Variants in IRAG1 observed in about 807,000 individuals in gnomAD.
IRAG1 encodes IP3R-associated cGMP kinase substrate.
Under a neutral mutation model 106.2 loss-of-function variants are expected in IRAG1, and 62 were observed. The observed-to-expected ratio is 0.58, with a 90% CI of 0.48 to 0.72. The LOEUF (loss-of-function observed/expected upper bound fraction) is 0.72. Among genes scored for constraint, IRAG1 ranks in the 30% least tolerant of loss-of-function variants. The probability of loss-of-function intolerance (pLI) is 0.00; values close to 1 mark genes in which losing one functional copy is unlikely to be tolerated. For missense variants in IRAG1, 1,064 were observed against 1,140.7 expected, an observed-to-expected ratio of 0.93 and a Z score of 0.97; for synonymous variants, 462 against 443.9, an observed-to-expected ratio of 1.04 and a Z score of -0.51.
chr11:10,612,612 CA>C (rs752283042), intron 10 of IRAG1, among the ~76,000 whole-genome samples: 11 of 151,456 alleles, frequency 7.3e-5, no homozygotes, highest in Non-Finnish European at 1.5e-4. Context: ...AAAAGGAAAA[CA>C]GATGGCATGG....
chr11:10,624,303 G>C (rs1360426724), intron 9 of IRAG1, among the ~76,000 whole-genome samples: 1 of 152,246 alleles, frequency 6.6e-6, no homozygotes, highest in East Asian at 1.9e-4. Flanking sequence ...CTGTCATTCC[G>C]GGCAGTGACT....
intron 12 of IRAG1, among the ~76,000 whole-genome samples, chr11:10,605,137 T>C (rs881436): frequency 0.48 from 73,402 of 152,020 alleles, 18,045 homozygotes; most frequent in East Asian, 0.7. Flanking sequence ...TGTTTCATGC[T>C]AAAATTGCAG....
At chr11:10,600,880 T>TTG (rs1258876184) in intron 15 of IRAG1, 38 bp downstream of exon 15, 2 of 1,612,438 alleles carry the variant, frequency 1.2e-6, no homozygotes, top group Non-Finnish European at 1.7e-6. Context: ...GAAGTCCACC[T>TTG]TGTAGGGCCA....
rs1850697260 is a variant in IRAG1, at chr11:10,573,807, T to A, written c.*2525A>T. On this transcript the variant is annotated 3_prime_UTR_variant, in exon 21 of 21. Coordinates refer to ENST00000423302, the MANE Select transcript of IRAG1 (RefSeq NM_130385.4). ...GCCCTGCTTTAAGGGAGGCAGAGAT[T>A]GAACATTCCCCACCTGGAGTTCTGC... 1 of 152,260 alleles carries A rather than the reference T, an allele frequency of 6.6e-6. No homozygotes were observed. The highest frequency in any genetic ancestry group is 1.5e-5 in the Non-Finnish European group (1 of 68,096). The allele number at this position is 152,260 out of a possible 1,614,324, so 9.4% of individuals were successfully genotyped here.
chr11:10,692,014 T>A (rs1862095911), intron 1 of IRAG1, among the ~76,000 whole-genome samples: 1 of 152,226 alleles, frequency 6.6e-6, no homozygotes, highest in Admixed American at 6.5e-5. Context: ...GTAAGAACCA[T>A]GTGTTTGCTG....
intron 2 of IRAG1, among the ~76,000 whole-genome samples, chr11:10,643,104 G>A (rs1295938268): frequency 6.7e-6 from 1 of 148,432 alleles, no homozygotes; most frequent in African/African-American, 2.5e-5. Context: ...GAACCCAGGA[G>A]GCGGAGCTTA....
intron 13 of IRAG1, among the ~76,000 whole-genome samples, chr11:10,604,014 C>T (rs1471228476): frequency 6.6e-6 from 1 of 152,158 alleles, no homozygotes; most frequent in Non-Finnish European, 1.5e-5. Flanking sequence ...AGCCTAGACT[C>T]AGCTCTCATG....
rs545084421 is a variant in IRAG1, at chr11:10,683,070, A to AT, written c.67+10465dup. Among the ~76,000 whole-genome samples the AT allele has an allele frequency of 4.7e-3, 719 of 152,354 alleles. 8 individuals are homozygous for AT. Among genetic ancestry groups the AT allele is most frequent in the African/African-American group, 0.016 (681 of 41,582 alleles). ...AGGAAATTTAAAATAAAAACCTTCAATTTTTAATTAAAAATAGTAACAAAG... is the reference window on the plus strand; with the variant it reads ...AGGAAATTTAAAATAAAAACCTTCAATTTTTTAATTAAAAATAGTAACAAAG... On this transcript the variant is annotated intron_variant, in intron 1 of 20. Transcript: ENST00000423302.
intron 2 of IRAG1, among the ~76,000 whole-genome samples, chr11:10,640,803 A>G (rs886658107): frequency 3.9e-4 from 60 of 152,338 alleles, no homozygotes; most frequent in Middle Eastern, 3.4e-3. Flanking sequence ...CAGAAGCCAC[A>G]CTACCTTATG....
chr11:10,669,636 G>A (rs1168504054), intron 1 of IRAG1, among the ~76,000 whole-genome samples: 1 of 152,174 alleles, frequency 6.6e-6, no homozygotes, highest in East Asian at 1.9e-4. Flanking sequence ...TCTCCCCCGA[G>A]GCCAGATGAA....
chr11:10,649,089 G>A (rs1351073174), intron 2 of IRAG1, among the ~76,000 whole-genome samples: 2 of 152,162 alleles, frequency 1.3e-5, no homozygotes, highest in Non-Finnish European at 2.9e-5. Flanking sequence ...GCCTGGCCTC[G>A]GATGCTCCCA....
intron 15 of IRAG1, among the ~76,000 whole-genome samples, chr11:10,599,235 T>C (rs1487278692): frequency 1.3e-5 from 2 of 152,196 alleles, no homozygotes; most frequent in African/African-American, 2.4e-5. Flanking sequence ...GGGAGCTCCT[T>C]TGGGTCTGTG....
chr11:10,690,604 C>T (rs780067800), intron 1 of IRAG1, among the ~76,000 whole-genome samples: 3 of 152,144 alleles, frequency 2.0e-5, no homozygotes, highest in Non-Finnish European at 4.4e-5. Context: ...TCCCTCTATT[C>T]GTGATTTTCC....
At chr11:10,594,417 C>T (rs1853041071) in intron 15 of IRAG1, among the ~76,000 whole-genome samples, 1 of 152,144 alleles carries the variant, frequency 6.6e-6, no homozygotes, top group Non-Finnish European at 1.5e-5. Flanking sequence ...AACTCCCCTT[C>T]TCACTATAGG....
At chr11:10,627,853 T>C (rs1856373986) in intron 7 of IRAG1, 93 bp from the exon 8 acceptor site, 2 of 1,587,096 alleles carry the variant, frequency 1.3e-6, no homozygotes, top group Non-Finnish European at 1.7e-6. Flanking sequence ...AGCAGTGGTG[T>C]TCATGCCCTC....
chr11:10,676,388 C>A (rs1166643578), intron 1 of IRAG1, among the ~76,000 whole-genome samples: 1 of 152,178 alleles, frequency 6.6e-6, no homozygotes, highest in Non-Finnish European at 1.5e-5. Context: ...CTTCTTCTGG[C>A]GACAGCAGCA....
chr11:10,613,261 C>CA (rs34065353), intron 10 of IRAG1, among the ~76,000 whole-genome samples: 14,534 of 132,854 alleles, frequency 0.11, 726 homozygotes, highest in Non-Finnish European at 0.13. Flanking sequence ...ATGCTTCATA[C>CA]AAAAAAAAAA....
intron 2 of IRAG1, among the ~76,000 whole-genome samples, chr11:10,643,176 CA>C (rs10679269): frequency 0.017 from 1,041 of 60,156 alleles, 3 homozygotes; most frequent in African/African-American, 0.033. Flanking sequence ...GACTCCGTCT[CA>C]AAAAAAAAAA....
At chr11:10,669,409 A>T (rs1213955489) in intron 1 of IRAG1, among the ~76,000 whole-genome samples, 1 of 152,182 alleles carries the variant, frequency 6.6e-6, no homozygotes, top group Admixed American at 6.5e-5. Context: ...GGTGAGTGAA[A>T]ACAGTGGCCT....
Sources: allele counts gnomAD v4.1 joint callset (sites outside exome capture counted in the v4.1 genomes callset), GRCh38; gene constraint gnomAD v4.1.1; transcripts MANE v1.5; gene names NCBI Gene and HGNC (gene_info 2026-07-23, HGNC 2026-07-21).